Variants in UTRN observed in about 807,000 individuals in gnomAD.
The protein encoded by UTRN is dystrophin-related protein 1.
In UTRN, 283 loss-of-function variants were observed where a neutral mutation model predicts 463.9. The observed-to-expected ratio is 0.61, with a 90% CI of 0.55 to 0.67. UTRN has a LOEUF of 0.67. Ranked by LOEUF, UTRN falls within the 30% of genes least tolerant of loss-of-function variation. The pLI is 0.00. For synonymous variants in UTRN, 1,442 were observed against 1,431.5 expected (o/e 1.01, Z -0.17); for missense variants, 3,922 against 4,084.3 (o/e 0.96, Z 1.08).
chr6:144,578,225 A>G (rs561763962), intron 51 of UTRN, among the ~76,000 whole-genome samples: 1 of 152,064 alleles, frequency 6.6e-6, no homozygotes, highest in East Asian at 1.9e-4. Context: ...CAAAACAAAA[A>G]CCTATTTCAA....
chr6:144,329,306 C>T (rs185381321), intron 2 of UTRN, among the ~76,000 whole-genome samples: 656 of 152,202 alleles, frequency 4.3e-3, no homozygotes, highest in Non-Finnish European at 7.0e-3. Flanking sequence ...TGGTCTCGAT[C>T]TCTTGACCTT....
chr6:144,555,655 TC>T (rs1799315770), intron 49 of UTRN, among the ~76,000 whole-genome samples: 1 of 152,290 alleles, frequency 6.6e-6, no homozygotes, highest in South Asian at 2.1e-4. Context: ...TGTCTGCAAT[TC>T]CTGAGCTCAA....
At chr6:144,653,642 A>G (rs1007512020) in intron 51 of UTRN, among the ~76,000 whole-genome samples, 2 of 151,868 alleles carry the variant, frequency 1.3e-5, no homozygotes, top group Non-Finnish European at 2.9e-5. Context: ...GCATTTCATT[A>G]TGTGAGTCTG....
intron 51 of UTRN, among the ~76,000 whole-genome samples, chr6:144,649,466 G>A (rs972487863): frequency 1.3e-5 from 2 of 152,166 alleles, no homozygotes; most frequent in African/African-American, 4.8e-5. Context: ...CATTTCAGAT[G>A]TTTAATAGCC....
intron 60 of UTRN, among the ~76,000 whole-genome samples, chr6:144,776,790 C>A (rs1366023551): frequency 6.6e-6 from 1 of 152,084 alleles, no homozygotes; most frequent in African/African-American, 2.4e-5. Flanking sequence ...GCAGTTTTTG[C>A]CGTTAAAAGT....
At chr6:144,372,519 G>A (rs1005453230) in intron 2 of UTRN, among the ~76,000 whole-genome samples, 2 of 151,726 alleles carry the variant, frequency 1.3e-5, no homozygotes, top group African/African-American at 2.4e-5. Flanking sequence ...TTTTGAGATG[G>A]AGTCTTGCTT....
intron 23 of UTRN, among the ~76,000 whole-genome samples, chr6:144,471,500 C>T (rs140011311): frequency 1.3e-4 from 20 of 152,286 alleles, no homozygotes; most frequent in African/African-American, 2.2e-4. Flanking sequence ...ACAAGTTAAA[C>T]GGAGAATTTT....
Position 144,748,228 on chromosome 6 carries a change from T to C in UTRN, c.7940-18T>C. 6.3e-7 allele frequency: 1 copy of C among 1,585,182 alleles called. No homozygotes were observed. Among genetic ancestry groups the C allele is most frequent in the Non-Finnish European group, 8.5e-7 (1 of 1,171,482 alleles). ...AATCAGACATCCAAATTATTCTTTT[T>C]CTTTTTTTTAATCACAGAATTAACT... is the stretch of plus-strand genomic sequence containing the variant. On this transcript the variant is annotated intron_variant, in intron 54 of 74. Coordinates refer to ENST00000367545, the MANE Select transcript of UTRN (RefSeq NM_007124.3).
chr6:144,799,431 T>C (rs563487031), intron 64 of UTRN: 58 of 471,522 alleles, frequency 1.2e-4, no homozygotes, highest in Non-Finnish European at 2.2e-4. Context: ...AATAGATGAC[T>C]TCCAGTGGAA....
chr6:144,597,032 A>G (rs1340634650), intron 51 of UTRN, among the ~76,000 whole-genome samples: 1 of 152,122 alleles, frequency 6.6e-6, no homozygotes, highest in Non-Finnish European at 1.5e-5. Context: ...AGGTCAGGAG[A>G]TTGAGACTAT....
At chr6:144,774,185 A>G (rs1394158965) in intron 59 of UTRN, 105 bp from the exon 60 acceptor site, 18 of 1,133,508 alleles carry the variant, frequency 1.6e-5, no homozygotes, top group Non-Finnish European at 2.2e-5. Context: ...TATTTCAGGC[A>G]AACATAATAT....
Position 144,751,938 on chromosome 6 carries a change from T to C in UTRN, c.8341T>C (p.Trp2781Arg). Residue 2781 changes from tryptophan (W) to arginine (R), a missense_variant, in exon 56 of 75, where the codon TGG becomes CGG. Physicochemically the swap from Trp to Arg is moderately radical, Grantham distance 101. Around this residue, in one of 3 missense-constraint regions of UTRN, gnomAD observed 1,309 missense variants for 1,452.6 expected, o/e 0.90. Coordinates refer to ENST00000367545, the MANE Select transcript of UTRN (RefSeq NM_007124.3). Reference sequence around the variant, plus strand: ...CCAGCTAGATGACCTTAATATGCGATGGAAACTTTTACAGGTATCAGCTTA... The same window carrying C: ...CCAGCTAGATGACCTTAATATGCGACGGAAACTTTTACAGGTATCAGCTTA... The part of the protein sequence containing the change: ...SRQLDDLNMR[W>R]KLLQVSVDDR... 6.2e-7 allele frequency: 1 copy of C among 1,608,938 alleles called. No homozygotes were observed. Among genetic ancestry groups the C allele is most frequent in the African/African-American group, 1.3e-5 (1 of 74,698 alleles).
intron 51 of UTRN, chr6:144,660,371 G>T: frequency 4.5e-6 from 2 of 442,408 alleles, no homozygotes; most frequent in South Asian, 1.6e-5. Flanking sequence ...TTGACTCTTT[G>T]GTGGTTTAGT....
Position 144,351,864 on chromosome 6 carries a change from G to A in UTRN, c.80-51259G>A, listed in dbSNP as rs1172681330. On this transcript the variant is annotated intron_variant, in intron 2 of 74. Coordinates refer to ENST00000367545, the MANE Select transcript of UTRN (RefSeq NM_007124.3). Reference sequence around the variant, plus strand: ...TTCTTCCAGGTCACTTGCACATATCGCCAGTAGAAATACCTCATCAGATAG... The same window carrying A: ...TTCTTCCAGGTCACTTGCACATATCACCAGTAGAAATACCTCATCAGATAG... Among the ~76,000 whole-genome samples, 3 of 152,216 alleles carry A rather than the reference G, an allele frequency of 2.0e-5. 1 individual carries two copies. The highest frequency in any genetic ancestry group is 4.4e-5 in the Non-Finnish European group (3 of 68,018).
At chr6:144,682,645 G>A (rs1192974673) in intron 52 of UTRN, among the ~76,000 whole-genome samples, 1 of 152,058 alleles carries the variant, frequency 6.6e-6, no homozygotes, top group Admixed American at 6.6e-5. Context: ...GACAGCATTT[G>A]TTATTGCCTG....
At chr6:144,756,320 A>G (rs895614992) in intron 57 of UTRN, among the ~76,000 whole-genome samples, 1 of 152,186 alleles carries the variant, frequency 6.6e-6, no homozygotes, top group African/African-American at 2.4e-5. Context: ...TTCACCTAGC[A>G]ATCACTCTCA....
At chr6:144,299,781 ATGG>A (rs1805066085) in intron 2 of UTRN, among the ~76,000 whole-genome samples, 1 of 152,102 alleles carries the variant, frequency 6.6e-6, no homozygotes, top group Non-Finnish European at 1.5e-5. Context: ...TTTTTGAATC[ATGG>A]TGGGAAAAAA....
rs1792919443 is a variant in UTRN, at chr6:144,490,167, G to C, written c.4231G>C (p.Ala1411Pro). The C allele has an allele frequency of 1.2e-6, 2 of 1,613,048 alleles. No individual in the cohort carries two copies. Among genetic ancestry groups the C allele is most frequent in the Non-Finnish European group, 1.7e-6 (2 of 1,179,532 alleles). ...QPLTSPESRT[A>P]RGGSQMDVLQ... ...CCTGACCTCCCCAGAGAGTAGGACT[G>C]CCAGAGGAGGAAGTCAGATGGATGT... The change falls in exon 31 of 75, where the codon GCC becomes CCC. Residue 1411 changes from alanine to proline, a missense_variant. Around this residue, in one of 3 missense-constraint regions of UTRN, gnomAD observed 2,349 missense variants for 2,303.8 expected, o/e 1.02. Transcript: ENST00000367545.
At chr6:144,459,599 T>A (rs552309844) in intron 21 of UTRN, among the ~76,000 whole-genome samples, 18 of 142,636 alleles carry the variant, frequency 1.3e-4, no homozygotes, top group African/African-American at 4.6e-4. Flanking sequence ...ATAATAATAA[T>A]TTTTTTTTTT....
Sources: gnomAD v4.1 joint callset for allele counts (sites outside exome capture counted in the v4.1 genomes callset) on GRCh38, gnomAD v4.1.1 for gene constraint, gnomAD v4.1.1 regional missense constraint, MANE v1.5 for transcripts, NCBI Gene and HGNC (gene_info 2026-07-23, HGNC 2026-07-21) for gene names.